ITFG2: variants seen among roughly 807,000 people sequenced by gnomAD.
The protein encoded by ITFG2 is integrin alpha FG-GAP repeat containing 2, also known as KICSTOR complex protein ITFG2.
A neutral mutation model predicts 54.4 loss-of-function variants in ITFG2; 36 were observed. The ratio of observed to expected loss-of-function variants is 0.66; its 90% CI spans 0.51 to 0.87. The LOEUF is 0.87. ITFG2 is among the 40% of genes least tolerant of loss of function. The pLI, the probability that ITFG2 is intolerant of heterozygous loss-of-function variation, is 0.00. For missense variants in ITFG2, 524 were observed against 576.7 expected (o/e 0.91, Z 0.94); for synonymous variants, 211 against 225.4 (o/e 0.94, Z 0.57).
chr12:2,824,165 C>T lies in ITFG2; in HGVS notation c.1316C>T (p.Ala439Val). 6.2e-7 allele frequency: 1 copy of T among 1,614,194 alleles called. No homozygotes were observed. Among genetic ancestry groups the T allele is most frequent in the African/African-American group, 1.3e-5 (1 of 75,054 alleles). The change falls in exon 12 of 12, where the codon GCT (alanine) becomes GTT (valine). Residue 439 changes from alanine (A) to valine (V), a missense_variant. Ala to Val is a moderately conservative substitution (Grantham distance 64). Transcript: ENST00000228799. ...LYHPDQPPQC[A>V]PSSLQDPT ...CATCCAGACCAGCCACCACAGTGTG[C>T]TCCCTCAAGCCTCCAGGATCCCACC... is the stretch of plus-strand genomic sequence containing the variant.
Position 2,817,213 on chromosome 12 carries a change from C to G in ITFG2, c.97-10C>G. 3 of 1,593,796 alleles carry G rather than the reference C, an allele frequency of 1.9e-6. No individual in the cohort carries two copies. The highest frequency in any genetic ancestry group is 2.6e-6 in the Non-Finnish European group (3 of 1,162,190). On this transcript the variant is annotated splice_polypyrimidine_tract_variant and intron_variant, in intron 1 of 11. Transcript: ENST00000228799. ...CCCATCCTAACGCTTTCTTCTCTCT[C>G]CATTTGAAGTTAAATGAACTGGTGG...
chr12:2,855,094 G>A (rs1467912459), intron 2 of ITFG2: 3 of 1,535,928 alleles, frequency 2.0e-6, no homozygotes, highest in Non-Finnish European at 2.6e-6. Context: ...CATCCAGGAG[G>A]GAGGGGGGAT....
chr12:2,831,994 C>G (rs571742191), upstream of ITFG2, among the ~76,000 whole-genome samples: 3 of 152,090 alleles, frequency 2.0e-5, no homozygotes, highest in Admixed American at 6.6e-5. Context: ...GTCTCCAGAC[C>G]TGTTACCTTT....
intron 1 of ITFG2, among the ~76,000 whole-genome samples, chr12:2,816,705 C>G (rs998696317): frequency 1.4e-5 from 2 of 141,924 alleles, no homozygotes; most frequent in Admixed American, 7.4e-5. Flanking sequence ...GTGGTGCAGT[C>G]TTGCTCACTC....
upstream of ITFG2, among the ~76,000 whole-genome samples, chr12:2,835,773 C>G (rs548607591): frequency 2.3e-4 from 35 of 152,358 alleles, no homozygotes; most frequent in Middle Eastern, 3.4e-3. Flanking sequence ...ACTTCCACTT[C>G]CGCCTGCTGA....
At position 2,821,279 on chromosome 12, in the gene ITFG2, G is replaced by T; in HGVS notation, c.713G>T (p.Arg238Leu). The T allele has an allele frequency of 6.2e-7, 1 of 1,608,344 alleles. No homozygotes were observed. The highest frequency in any genetic ancestry group is 8.5e-7 in the Non-Finnish European group (1 of 1,177,292). The change falls in exon 7 of 12, where the codon CGA becomes CTA. Residue 238 changes from arginine (R) to leucine (L), a missense_variant. Physicochemically the swap from Arg to Leu is moderately radical, Grantham distance 102 (BLOSUM62 -2). Coordinates refer to ENST00000228799, the MANE Select transcript of ITFG2 (RefSeq NM_018463.4). ...GTGCACAGGGAGACCCCAGCTGCCC[G>T]AGACGTGGTGCTGCACCAGACATCT... ...TDGSRETPAA[R>L]DVVLHQTSGR...
downstream of ITFG2, chr12:2,827,120 G>T (rs12315570): frequency 1.5e-4 from 243 of 1,592,240 alleles, no homozygotes; most frequent in Admixed American, 2.2e-4. The surrounding 1 kb of genome is among the most constrained non-coding windows in gnomAD (Gnocchi z 4.0). Flanking sequence ...ATAGTCCCCA[G>T]CTACCTGGCT....
chr12:2,827,479 G>T, downstream of ITFG2: 2 of 1,535,318 alleles, frequency 1.3e-6, no homozygotes, highest in Non-Finnish European at 1.7e-6. This position sits in a 1 kb window ranked among gnomAD's most constrained non-coding sequence, Gnocchi z 4.0. Context: ...TTTTCACTTG[G>T]TGGTAAGTAA....
At chr12:2,857,296 C>G (rs377073003) in intron 2 of ITFG2, 4 of 512,280 alleles carry the variant, frequency 7.8e-6, no homozygotes, top group Non-Finnish European at 1.4e-5. Context: ...CAGGCTGGCT[C>G]CCAGGCCTCA....
chr12:2,821,363 A>T lies in ITFG2; in HGVS notation c.793+4A>T. 1 of 1,604,162 alleles carries T rather than the reference A, an allele frequency of 6.2e-7. No homozygotes were observed. Among genetic ancestry groups the T allele is most frequent in the Admixed American group, 1.7e-5 (1 of 58,664 alleles). On this transcript the variant is annotated splice_donor_region_variant and intron_variant, in intron 7 of 11. Transcript: ENST00000228799. ...CTAATTGGCAACATCAAACAAGGTG[A>T]AAGTGTGGTGGGTGTGAGGGAGGGA...
At chr12:2,830,586 A>G in intron 2 of ITFG2, 3 of 1,077,190 alleles carry the variant, frequency 2.8e-6, no homozygotes, top group South Asian at 1.7e-5. Context: ...GGTCCAGGCT[A>G]GGGAGAGAGG....
chr12:2,818,670 A>T, intron 4 of ITFG2: 1 of 250,596 alleles, frequency 4.0e-6, no homozygotes, highest in South Asian at 5.0e-5. Flanking sequence ...TAAAAAAGGA[A>T]AAGAAAAGAA....
chr12:2,818,482 C>T, intron 4 of ITFG2: 1 of 961,004 alleles, frequency 1.0e-6, no homozygotes, highest in African/African-American at 1.6e-5. Context: ...CCCTCCTGGG[C>T]CTTATTATGA....
chr12:2,850,402 A>C (rs1229634370), intron 2 of ITFG2, among the ~76,000 whole-genome samples: 1 of 143,156 alleles, frequency 7.0e-6, no homozygotes, highest in African/African-American at 2.6e-5. Flanking sequence ...TGAACCCGGG[A>C]GGAGGAGGTT....
intron 2 of ITFG2, among the ~76,000 whole-genome samples, chr12:2,847,440 G>A (rs1026967430): frequency 2.6e-5 from 4 of 151,914 alleles, no homozygotes; most frequent in Non-Finnish European, 5.9e-5. Context: ...GGCCGAGGTG[G>A]GCGGATCACA....
At chr12:2,849,227 C>A in intron 2 of ITFG2, 1 of 1,532,582 alleles carries the variant, frequency 6.5e-7, no homozygotes, top group Non-Finnish European at 8.7e-7. Flanking sequence ...CTCTGGAAGC[C>A]CTTCTAGAAG....
At chr12:2,825,600 A>G (rs897912413), downstream of ITFG2, 5 of 152,976 alleles carry the variant, frequency 3.3e-5, no homozygotes, top group Admixed American at 2.6e-4. Flanking sequence ...GCAGCTGAGA[A>G]AGGGCAGGGG....
chr12:2,858,448 T>C (rs2098096316), intron 3 of ITFG2: 2 of 563,372 alleles, frequency 3.6e-6, no homozygotes, highest in South Asian at 5.1e-5. Flanking sequence ...AGGAATCAGA[T>C]ACTCTTGGGG....
chr12:2,851,175 T>C (rs996620454), intron 2 of ITFG2, among the ~76,000 whole-genome samples: 5 of 149,972 alleles, frequency 3.3e-5, no homozygotes, highest in Non-Finnish European at 7.4e-5. Context: ...AAAAAAAAAA[T>C]TAAAGATTTA....
Sources: allele counts gnomAD v4.1 joint callset (sites outside exome capture counted in the v4.1 genomes callset), GRCh38; gene constraint gnomAD v4.1.1; non-coding constraint Gnocchi (gnomAD v3.1); transcripts MANE v1.5; gene names NCBI Gene and HGNC (gene_info 2026-07-23, HGNC 2026-07-21).